The following SEC23IP variants were observed in gnomAD, a reference collection of about 807,000 sequenced individuals.
SEC23IP encodes the protein SEC23 interacting protein.
A neutral mutation model predicts 113.4 loss-of-function variants in SEC23IP; 70 were observed. That is an observed-to-expected ratio of 0.62 (90% CI 0.51 to 0.75). SEC23IP has a LOEUF of 0.75. Ranked by LOEUF, SEC23IP falls within the 30% of genes least tolerant of loss-of-function variation. SEC23IP has a pLI of 0.00. For synonymous variants in SEC23IP, 398 were observed against 421.0 expected, an observed-to-expected ratio of 0.95 and a Z score of 0.67; for missense variants, 1,160 against 1,204.9, an observed-to-expected ratio of 0.96 and a Z score of 0.55.
At chr10:119,931,555 A>G (rs181042626) in intron 15 of SEC23IP, among the ~76,000 whole-genome samples, 1 of 135,292 alleles carries the variant, frequency 7.4e-6, no homozygotes, top group African/African-American at 2.7e-5. Context: ...ATGTGCTTAC[A>G]TTTTTTTTTT....
rs550047290 is a variant in SEC23IP at position 119,915,000 on chromosome 10, G to A, written c.1402+181G>A. Among the ~76,000 whole-genome samples the A allele has an allele frequency of 2.0e-5, 3 of 152,300 alleles. No individual in the cohort carries two copies. In the East Asian group the frequency reaches 5.8e-4, roughly 29 times the overall value. On this transcript the variant is annotated intron_variant, in intron 7 of 18. Coordinates refer to ENST00000369075, the MANE Select transcript of SEC23IP (RefSeq NM_007190.4). ...CTTGATTTGCTCTTGTGACATATGTGACGCATACAATCCCAGACTGTGAGG... is the reference window on the plus strand; with the variant it reads ...CTTGATTTGCTCTTGTGACATATGTAACGCATACAATCCCAGACTGTGAGG...
intron 18 of SEC23IP, among the ~76,000 whole-genome samples, chr10:119,938,690 C>G (rs1016942289): frequency 9.8e-5 from 15 of 152,304 alleles, no homozygotes; most frequent in African/African-American, 3.4e-4. Context: ...CCCTGACGCT[C>G]TCTCCCCTAA....
Position 119,938,285 on chromosome 10 carries a change from G to C in SEC23IP, c.*21-2301G>C, listed in dbSNP as rs544709885. The stretch of plus-strand genomic sequence containing the variant: ...TTCTCTGCTTGGGATTTTTTAGGAT[G>C]ATGCTGGTAGTGTGATTTCAGCCCC... On this transcript the variant is annotated intron_variant, in intron 18 of 18. Transcript: ENST00000369075. Among the ~76,000 whole-genome samples, 3 of 152,282 alleles carry C rather than the reference G, an allele frequency of 2.0e-5. No individual in the cohort carries two copies. In the South Asian group the frequency reaches 6.2e-4, roughly 32 times the overall value.
intron 18 of SEC23IP, among the ~76,000 whole-genome samples, chr10:119,936,852 C>G (rs534393164): frequency 1.3e-4 from 19 of 150,630 alleles, no homozygotes; most frequent in African/African-American, 4.6e-4. Flanking sequence ...CTTGGAGGTA[C>G]GGGGTAGGGT....
intron 6 of SEC23IP, chr10:119,914,371 A>G (rs551567463): frequency 4.4e-6 from 1 of 229,842 alleles, no homozygotes; most frequent in African/African-American, 2.2e-5. Flanking sequence ...TGTAAAATAA[A>G]TACTCACACG....
Position 119,898,662 on chromosome 10 carries a change from T to C in SEC23IP, c.399T>C (p.Phe133=). 6.2e-7 allele frequency: 1 copy of C among 1,614,232 alleles called. No individual in the cohort carries two copies. The highest frequency in any genetic ancestry group is 8.5e-7 in the Non-Finnish European group (1 of 1,180,046). ...GATCCCAAGATGTCTCGAATGCATTTTCACCATCCATTTCGAAGGCTCAAC... is the reference window on the plus strand; with the variant it reads ...GATCCCAAGATGTCTCGAATGCATTCTCACCATCCATTTCGAAGGCTCAAC... ...TTGSQDVSNA[F]SPSISKAQPG... Residue 133 remains phenylalanine, a synonymous_variant, in exon 2 of 19, where the codon TTT becomes TTC. Coordinates refer to ENST00000369075, the MANE Select transcript of SEC23IP (RefSeq NM_007190.4).
At chr10:119,927,231 T>C (rs1404842792) in intron 13 of SEC23IP, among the ~76,000 whole-genome samples, 6 of 152,240 alleles carry the variant, frequency 3.9e-5, no homozygotes, top group Non-Finnish European at 7.3e-5. Flanking sequence ...CCGTAATCAG[T>C]AATGACTAAT....
chr10:119,914,443 G>A (rs1854975881), intron 6 of SEC23IP: 1 of 395,640 alleles, frequency 2.5e-6, no homozygotes, highest in African/African-American at 2.0e-5. Context: ...GCATCACAAG[G>A]TTGTGGAGCC....
At chr10:119,923,482 A>G (rs189821356) in intron 12 of SEC23IP, among the ~76,000 whole-genome samples, 1 of 151,400 alleles carries the variant, frequency 6.6e-6, no homozygotes, top group African/African-American at 2.4e-5. Context: ...GCATCTTAGT[A>G]ATTTTCATTT....
rs1330720573 is a variant in SEC23IP, at chr10:119,898,727, A to T, written c.464A>T (p.Tyr155Phe). Residue 155 changes from tyrosine (Y) to phenylalanine (F), a missense_variant, in exon 2 of 19, where the codon TAT becomes TTT. Physicochemically the swap from Tyr to Phe is conservative, Grantham distance 22. Coordinates refer to ENST00000369075, the MANE Select transcript of SEC23IP (RefSeq NM_007190.4). Reference sequence around the variant, plus strand: ...TCCTCACTGATGGGAATAAATTCTTATCTGCCTTCTCAGCCAAGTAGTCTC... The same window carrying T: ...TCCTCACTGATGGGAATAAATTCTTTTCTGCCTTCTCAGCCAAGTAGTCTC... ...PPSSLMGINS[Y>F]LPSQPSSLPP... 2 of 1,614,094 alleles carry T rather than the reference A, an allele frequency of 1.2e-6. No homozygotes were observed. The highest frequency in any genetic ancestry group is 2.2e-5 in the East Asian group (1 of 44,902).
chr10:119,930,130 T>C (rs1278604884), intron 14 of SEC23IP, among the ~76,000 whole-genome samples, 199 bp from the exon 15 acceptor site: 1 of 152,256 alleles, frequency 6.6e-6, no homozygotes, highest in Non-Finnish European at 1.5e-5. Flanking sequence ...AGGGAAATAA[T>C]TCTTTTGCTT....
intron 5 of SEC23IP, among the ~76,000 whole-genome samples, chr10:119,910,631 C>T (rs1391835109): frequency 1.3e-5 from 2 of 152,012 alleles, no homozygotes; most frequent in Non-Finnish European, 2.9e-5. Context: ...AAATAAAAGC[C>T]TCCTATCTCT....
rs975461142 is a variant in SEC23IP, at chr10:119,944,501, A to G, written c.*3936A>G. 6.6e-6 allele frequency: 1 copy of G among 152,314 alleles called. No homozygotes were observed. The highest frequency in any genetic ancestry group is 3.2e-3 in the Middle Eastern group (1 of 316). The allele number at this position is 152,314 out of a possible 1,614,324, so 9.4% of individuals were successfully genotyped here. On this transcript the variant is annotated 3_prime_UTR_variant, in exon 19 of 19. Coordinates refer to ENST00000369075, the MANE Select transcript of SEC23IP (RefSeq NM_007190.4). ...GAGATGTGGCCAGGTGAAGACGGAAAAAGGACAGTGCATTCCAGACCTGTG... is the reference window on the plus strand; with the variant it reads ...GAGATGTGGCCAGGTGAAGACGGAAGAAGGACAGTGCATTCCAGACCTGTG...
rs545201915 is a variant in SEC23IP, at chr10:119,933,906, T to C, written c.*20+119T>C. 1.6e-4 allele frequency: 77 copies of C among 495,240 alleles called. No homozygotes were observed. The Middle Eastern group carries it at 1.8e-3, about 11-fold the overall frequency. The allele number at this position is 495,240 out of a possible 1,614,324, so 30.7% of individuals were successfully genotyped here. A position where few individuals can be genotyped will look rare whatever the true frequency, so the allele number is the denominator to read the frequency against. The stretch of plus-strand genomic sequence containing the variant: ...GTTTCCTCTGAGTTTTTGTCGTCGT[T>C]TTTAAAAATTTGCAATAGAGACATT... On this transcript the variant is annotated intron_variant, in intron 18 of 18. Transcript: ENST00000369075.
intron 18 of SEC23IP, among the ~76,000 whole-genome samples, chr10:119,937,064 T>A (rs535152559): frequency 6.6e-6 from 1 of 151,752 alleles, no homozygotes; most frequent in South Asian, 2.1e-4. Flanking sequence ...ATTTTTTGTA[T>A]TTTTAGTAGA....
In SEC23IP at chr10:119,941,728, A is replaced by G. The variant is rs965886439; in HGVS notation, c.*1163A>G. 1.3e-5 allele frequency: 2 copies of G among 152,644 alleles called. No individual in the cohort carries two copies. The highest frequency in any genetic ancestry group is 4.8e-5 in the African/African-American group (2 of 41,456). The allele number at this position is 152,644 out of a possible 1,614,324, so 9.5% of individuals were successfully genotyped here. ...AGCAGTAACATTAATGCATTTTTTAAGCAGCAAACTTATGTATTTCTCTTG... is the reference window on the plus strand; with the variant it reads ...AGCAGTAACATTAATGCATTTTTTAGGCAGCAAACTTATGTATTTCTCTTG... On this transcript the variant is annotated 3_prime_UTR_variant, in exon 19 of 19. Transcript: ENST00000369075.
intron 8 of SEC23IP, among the ~76,000 whole-genome samples, chr10:119,917,225 A>G (rs900911824): frequency 4.6e-5 from 7 of 151,668 alleles, no homozygotes; most frequent in African/African-American, 1.5e-4. Context: ...TTTGATGTGG[A>G]GTCTCGCTCT....
At chr10:119,922,579 A>G (rs1355170459) in intron 12 of SEC23IP, among the ~76,000 whole-genome samples, 1 of 152,172 alleles carries the variant, frequency 6.6e-6, no homozygotes, top group East Asian at 1.9e-4. Flanking sequence ...CGTGAAGTGG[A>G]GGCGGCTGCA....
chr10:119,921,473 T>A (rs1855248458), intron 12 of SEC23IP, among the ~76,000 whole-genome samples: 1 of 152,244 alleles, frequency 6.6e-6, no homozygotes, highest in Non-Finnish European at 1.5e-5. Flanking sequence ...GATCCTTTGT[T>A]TTCTTCATTT....
Sources: allele counts gnomAD v4.1 joint callset (sites outside exome capture counted in the v4.1 genomes callset), GRCh38; gene constraint gnomAD v4.1.1; transcripts MANE v1.5; gene names NCBI Gene and HGNC (gene_info 2026-07-23, HGNC 2026-07-21).